The following TRMT11 variants were observed in gnomAD, a reference collection of about 807,000 sequenced individuals.
TRMT11 encodes the protein tRNA (guanine(10)-N(2))-methyltransferase TRMT11.
TRMT11 carries 53 observed loss-of-function variants against 62.8 expected under a neutral mutation model. That is an observed-to-expected ratio of 0.84 (90% CI 0.68 to 1.06). The LOEUF (loss-of-function observed/expected upper bound fraction) is 1.06. TRMT11 is among the 50% of genes least tolerant of loss of function. The pLI is 0.00. For missense variants in TRMT11, 556 were observed against 553.4 expected (o/e 1.00, Z -0.05); for synonymous variants, 188 against 190.3 (o/e 0.99, Z 0.10).
the TRMT11 span, among the ~76,000 whole-genome samples, chr6:126,224,073 A>C: frequency 1.2e-4 from 19 of 152,112 alleles, no homozygotes; most frequent in Non-Finnish European, 2.1e-4. Context: ...GATTTTTTGA[A>C]TTGGGTTTCA....
intron 17 of TRMT11, among the ~76,000 whole-genome samples, chr6:126,067,136 G>A (rs563218574): frequency 9.9e-5 from 15 of 151,260 alleles, no homozygotes; most frequent in Admixed American, 6.6e-4. Context: ...GCTGAGGCAG[G>A]AGAATTGCTG....
At chr6:126,133,910 TACA>T (rs1203134060) in intron 21 of TRMT11, among the ~76,000 whole-genome samples, 2 of 151,912 alleles carry the variant, frequency 1.3e-5, no homozygotes, top group Admixed American at 6.6e-5. Flanking sequence ...AAAAAATTAC[TACA>T]ACATTTTCCA....
chr6:126,115,786 A>C (rs1777579899), exon 21 of TRMT11, among the ~76,000 whole-genome samples: 1 of 151,942 alleles, frequency 6.6e-6, no homozygotes, highest in South Asian at 2.1e-4. Context: ...TGCCAGAGGG[A>C]GGAGAGTATT....
the TRMT11 span, among the ~76,000 whole-genome samples, chr6:126,229,443 T>A: frequency 6.6e-6 from 1 of 152,110 alleles, no homozygotes; most frequent in Non-Finnish European, 1.5e-5. Context: ...TTGAAAAAAT[T>A]TTTCTTGGGA....
chr6:126,228,728 C>T, the TRMT11 span, among the ~76,000 whole-genome samples: 35 of 152,186 alleles, frequency 2.3e-4, 1 homozygote, highest in African/African-American at 8.0e-4. Context: ...GTCTTATTAA[C>T]ATCAGCTGGG....
intron 21 of TRMT11, among the ~76,000 whole-genome samples, chr6:126,128,308 C>G (rs1479662339): frequency 6.6e-6 from 1 of 152,064 alleles, no homozygotes; most frequent in Non-Finnish European, 1.5e-5. Flanking sequence ...TTCCTTCTCT[C>G]TTTCCAAATT....
the TRMT11 span, among the ~76,000 whole-genome samples, chr6:126,252,155 A>G: frequency 6.6e-6 from 1 of 152,328 alleles, no homozygotes; most frequent in East Asian, 1.9e-4. Context: ...TCTCTTCTCC[A>G]TATGTTTGGG....
At chr6:126,123,412 TG>T (rs1777672853) in intron 21 of TRMT11, among the ~76,000 whole-genome samples, 1 of 151,838 alleles carries the variant, frequency 6.6e-6, no homozygotes, top group Non-Finnish European at 1.5e-5. Flanking sequence ...AGACGCCAGA[TG>T]AGATAAGGAG....
chr6:126,242,641 C>G, the TRMT11 span, among the ~76,000 whole-genome samples: 1 of 152,180 alleles, frequency 6.6e-6, no homozygotes, highest in East Asian at 1.9e-4. Flanking sequence ...ACATCTACAA[C>G]TATCTGATCT....
chr6:126,043,210 C>T (rs1381619274), downstream of TRMT11, among the ~76,000 whole-genome samples: 3 of 110,296 alleles, frequency 2.7e-5, no homozygotes, highest in Non-Finnish European at 5.4e-5. Flanking sequence ...CCCCTCCCCC[C>T]ACCCCACAAC....
intron 17 of TRMT11, among the ~76,000 whole-genome samples, chr6:126,092,631 G>C (rs1395460929): frequency 6.6e-6 from 1 of 152,094 alleles, no homozygotes; most frequent in African/African-American, 2.4e-5. Flanking sequence ...ACGAACTAGA[G>C]AACACAATGA....
chr6:126,162,118 G>A (rs1038958143), intron 21 of TRMT11, among the ~76,000 whole-genome samples: 1 of 152,158 alleles, frequency 6.6e-6, no homozygotes, highest in African/African-American at 2.4e-5. Flanking sequence ...TGGTGTTTTA[G>A]TCATGAAGTC....
chr6:125,997,666 C>A (rs962296210), intron 3 of TRMT11, among the ~76,000 whole-genome samples: 10 of 152,288 alleles, frequency 6.6e-5, no homozygotes, highest in African/African-American at 2.4e-4. Context: ...TGCCACCATG[C>A]CTGGCTGATT....
chr6:126,132,531 A>G (rs1777797755), intron 21 of TRMT11, among the ~76,000 whole-genome samples: 1 of 152,024 alleles, frequency 6.6e-6, no homozygotes, highest in East Asian at 1.9e-4. Context: ...CTCAATGTAT[A>G]ATTTTCCTGC....
chr6:126,201,558 C>T (rs774257059), intron 3 of TRMT11, among the ~76,000 whole-genome samples: 3 of 152,170 alleles, frequency 2.0e-5, no homozygotes, highest in Non-Finnish European at 4.4e-5. Flanking sequence ...TAGAATAAGC[C>T]TGCTGTCCTG....
chr6:126,223,592 T>G, the TRMT11 span, among the ~76,000 whole-genome samples: 1 of 152,174 alleles, frequency 6.6e-6, no homozygotes, highest in Non-Finnish European at 1.5e-5. Flanking sequence ...CCTTTAATAT[T>G]TTTTCTCTCA....
intron 21 of TRMT11, among the ~76,000 whole-genome samples, chr6:126,141,394 T>C (rs1042093804): frequency 6.6e-6 from 1 of 152,180 alleles, no homozygotes; most frequent in African/African-American, 2.4e-5. Context: ...TTCACACACA[T>C]GTTAAATCAG....
intron 1 of TRMT11, among the ~76,000 whole-genome samples, chr6:126,195,304 A>C (rs943700809): frequency 6.6e-6 from 1 of 152,230 alleles, no homozygotes; most frequent in Non-Finnish European, 1.5e-5. Context: ...AATAAGATAA[A>C]TGAGTCGTAA....
chr6:126,247,295 C>T, the TRMT11 span, among the ~76,000 whole-genome samples: 1 of 151,858 alleles, frequency 6.6e-6, no homozygotes, highest in African/African-American at 2.4e-5. Flanking sequence ...TTTAAATTGG[C>T]AAATATCATA....
Sources: gnomAD v4.1 joint callset for allele counts (sites outside exome capture counted in the v4.1 genomes callset) on GRCh38, gnomAD v4.1.1 for gene constraint, MANE v1.5 for transcripts, NCBI Gene and HGNC (gene_info 2026-07-23, HGNC 2026-07-21) for gene names.